ZNF395: variants seen among roughly 807,000 people sequenced by gnomAD.
The protein encoded by ZNF395 is zinc finger protein 395.
ZNF395 carries 20 observed loss-of-function variants against 57.7 expected under a neutral mutation model. That is an observed-to-expected ratio of 0.35 (90% CI 0.24 to 0.50). The LOEUF (loss-of-function observed/expected upper bound fraction) is 0.50. Among genes scored for constraint, ZNF395 ranks in the 20% least tolerant of loss-of-function variants. The pLI is 0.97. For missense variants in ZNF395, 606 were observed against 671.2 expected, an observed-to-expected ratio of 0.90 and a Z score of 1.07; for synonymous variants, 295 against 275.9, an observed-to-expected ratio of 1.07 and a Z score of -0.69.
intron 1 of ZNF395, among the ~76,000 whole-genome samples, chr8:28,367,500 C>A (rs1443810151): frequency 2.0e-5 from 3 of 152,230 alleles, no homozygotes; most frequent in Non-Finnish European, 4.4e-5. Context: ...GGTCTGACTG[C>A]ACAACAGTCA....
intron 1 of ZNF395, among the ~76,000 whole-genome samples, chr8:28,370,763 C>A (rs886407552): frequency 6.6e-6 from 1 of 152,134 alleles, no homozygotes; most frequent in African/African-American, 2.4e-5. Context: ...GACACACACA[C>A]CCCCGCCACC....
intron 1 of ZNF395, among the ~76,000 whole-genome samples, chr8:28,369,029 T>C (rs1175311911): frequency 1.3e-5 from 2 of 151,786 alleles, no homozygotes; most frequent in Admixed American, 6.6e-5. Flanking sequence ...AGAGATGGGG[T>C]TTCACCAAGT....
Position 28,352,525 on chromosome 8 carries a change from G to A in ZNF395, c.920+48C>T. The A allele has an allele frequency of 6.5e-7, 1 of 1,540,888 alleles. No homozygotes were observed. ...GTCACAGGGACTCGGCAGGGTGGAG[G>A]GACACCCACACGCGACCCTAGGCTA... is the stretch of plus-strand genomic sequence containing the variant. On this transcript the variant is annotated intron_variant, in intron 6 of 9. Transcript: ENST00000344423. This position sits in a 1 kb window ranked among gnomAD's most constrained non-coding sequence, Gnocchi z 4.0.
In ZNF395 at chr8:28,347,115, G is replaced by C. The variant is rs932094172; in HGVS notation, c.*1604C>G. 1.3e-5 allele frequency: 2 copies of C among 152,140 alleles called. No individual in the cohort carries two copies. Among genetic ancestry groups the C allele is most frequent in the African/African-American group, 4.8e-5 (2 of 41,408 alleles). 9.4% of individuals were successfully genotyped at this position (152,140 alleles called of 1,614,324 possible). A position where few individuals can be genotyped will look rare whatever the true frequency, so the allele number is the denominator to read the frequency against. Reference sequence around the variant, plus strand: ...CACTCAAAGTGTCCTGCATTAAAAAGCACGTGTCTATTTCCTACGTGAAGG... The same window carrying C: ...CACTCAAAGTGTCCTGCATTAAAAACCACGTGTCTATTTCCTACGTGAAGG... On this transcript the variant is annotated 3_prime_UTR_variant, in exon 10 of 10. Coordinates refer to ENST00000344423, the MANE Select transcript of ZNF395 (RefSeq NM_018660.3).
intron 1 of ZNF395, among the ~76,000 whole-genome samples, chr8:28,366,783 T>C (rs1158536136): frequency 6.6e-6 from 1 of 150,976 alleles, no homozygotes; most frequent in Admixed American, 6.6e-5. Context: ...CAAGCCTTTT[T>C]TTTCCTGGTA....
In ZNF395 at chr8:28,351,643, A is replaced by G; in HGVS notation, c.1085T>C (p.Leu362Pro). The G allele has an allele frequency of 6.2e-7, 1 of 1,613,468 alleles. No homozygotes were observed. The highest frequency in any genetic ancestry group is 8.5e-7 in the Non-Finnish European group (1 of 1,179,970). Residue 362 changes from leucine to proline, a missense_variant, in exon 7 of 10, where the codon CTG becomes CCG. By Grantham distance (98) the Leu-to-Pro change is moderately conservative. Coordinates refer to ENST00000344423, the MANE Select transcript of ZNF395 (RefSeq NM_018660.3). Reference sequence around the variant, plus strand: ...AGGTGGTGGAAGAGCAGACAGAGGCAGGCCAGTCATGCTGGGGGTGGGAGC... The same window carrying G: ...AGGTGGTGGAAGAGCAGACAGAGGCGGGCCAGTCATGCTGGGGGTGGGAGC... ...EPAPTPSMTGLPLSALPPPLH... is the reference protein window; with the variant it reads ...EPAPTPSMTGPPLSALPPPLH...
intron 1 of ZNF395, among the ~76,000 whole-genome samples, chr8:28,382,378 C>T (rs1802119960): frequency 6.6e-6 from 1 of 152,138 alleles, no homozygotes; most frequent in African/African-American, 2.4e-5. Flanking sequence ...TGACCCCAGC[C>T]CACTTTAACA....
chr8:28,349,259 G>C lies in ZNF395; in HGVS notation c.1327-31C>G, dbSNP rs762129678. 7 of 1,491,570 alleles carry C rather than the reference G, an allele frequency of 4.7e-6. No homozygotes were observed. In the African/African-American group the frequency reaches 9.9e-5, roughly 21 times the overall value. The allele number at this position is 1,491,570 out of a possible 1,614,324, so 92.4% of individuals were successfully genotyped here. On this transcript the variant is annotated intron_variant, in intron 8 of 9. Coordinates refer to ENST00000344423, the MANE Select transcript of ZNF395 (RefSeq NM_018660.3). Reference sequence around the variant, plus strand: ...CGTGGGGAGAGGGGCTGTGAGCACAGGGACATTCAGGAAAGGTGAGGGAGC... The same window carrying C: ...CGTGGGGAGAGGGGCTGTGAGCACACGGACATTCAGGAAAGGTGAGGGAGC...
At chr8:28,376,659 C>CA (rs1425823420) in intron 1 of ZNF395, among the ~76,000 whole-genome samples, 2 of 152,196 alleles carry the variant, frequency 1.3e-5, no homozygotes, top group African/African-American at 4.8e-5. Context: ...AACTTTCCCC[C>CA]AAACCCACTA....
chr8:28,356,148 T>C lies in ZNF395; in HGVS notation c.583+522A>G, dbSNP rs998638490. Among the ~76,000 whole-genome samples, 4 of 152,246 alleles carry C rather than the reference T, an allele frequency of 2.6e-5. No homozygotes were observed. Among genetic ancestry groups the C allele is most frequent in the African/African-American group, 9.6e-5 (4 of 41,468 alleles). ...TATAGCAATTTTGTTTTAATAAATT[T>C]GCCTTGAAGTTGAATCACTGGTTTT... On this transcript the variant is annotated intron_variant, in intron 4 of 9. Coordinates refer to ENST00000344423, the MANE Select transcript of ZNF395 (RefSeq NM_018660.3). This position sits in a 1 kb window ranked among gnomAD's most constrained non-coding sequence, Gnocchi z 4.0.
At chr8:28,366,457 A>G (rs563989032) in intron 1 of ZNF395, among the ~76,000 whole-genome samples, 43 of 152,294 alleles carry the variant, frequency 2.8e-4, no homozygotes, top group Non-Finnish European at 4.6e-4. Context: ...CTATAGTTCC[A>G]CTACTCAGGA....
intron 1 of ZNF395, among the ~76,000 whole-genome samples, chr8:28,385,552 G>C (rs1563345125): frequency 6.6e-6 from 1 of 150,616 alleles, no homozygotes; most frequent in Non-Finnish European, 1.5e-5. Flanking sequence ...CGGGCGGAGG[G>C]TGTGTCCCTC....
Position 28,351,534 on chromosome 8 carries a change from A to G in ZNF395, c.1194T>C (p.Pro398=). 6.2e-7 allele frequency: 1 copy of G among 1,612,854 alleles called. No homozygotes were observed. ...LPSGALSKSA[P]GSFWHIQADH... ...CTGCCTGAATGTGCCAGAAGGACCCAGGAGCTGACTTGCTGAGAGCCCCTG... is the reference window on the plus strand; with the variant it reads ...CTGCCTGAATGTGCCAGAAGGACCCGGGAGCTGACTTGCTGAGAGCCCCTG... Residue 398 remains proline (P), a synonymous_variant, in exon 7 of 10, where the codon CCT becomes CCC. Transcript: ENST00000344423.
At position 28,359,127 on chromosome 8, in the gene ZNF395, T is replaced by C. The variant is rs545759726; in HGVS notation, c.473+465A>G. On this transcript the variant is annotated intron_variant, in intron 3 of 9. Coordinates refer to ENST00000344423, the MANE Select transcript of ZNF395 (RefSeq NM_018660.3). This position sits in a 1 kb window ranked among gnomAD's most constrained non-coding sequence, Gnocchi z 4.7. ...AAAGACGCCACTCGGCCAGGCATGG[T>C]GGCTCAAACCTGTAATCCCAGCACG... 6.6e-5 allele frequency among the ~76,000 whole-genome samples: 10 copies of C among 152,322 alleles called. No homozygotes were observed. The highest frequency in any genetic ancestry group is 2.4e-4 in the African/African-American group (10 of 41,564).
At position 28,346,236 on chromosome 8, in the gene ZNF395, C is replaced by G. The variant is rs1261784770; in HGVS notation, c.*2483G>C. On this transcript the variant is annotated 3_prime_UTR_variant, in exon 10 of 10. Coordinates refer to ENST00000344423, the MANE Select transcript of ZNF395 (RefSeq NM_018660.3). ...GTTTCTAAAAGCCCACCTACGGCAC[C>G]TTCCTTCCATCAGAGTCTGCTGCCC... is the stretch of plus-strand genomic sequence containing the variant. 6.6e-6 allele frequency: 1 copy of G among 152,196 alleles called. No individual in the cohort carries two copies. The highest frequency in any genetic ancestry group is 1.5e-5 in the Non-Finnish European group (1 of 68,038). The allele number at this position is 152,196 out of a possible 1,614,324, so 9.4% of individuals were successfully genotyped here.
rs774922454 is a variant in ZNF395, at chr8:28,361,109, A to G, written c.16T>C (p.Ser6Pro). 6.2e-7 allele frequency: 1 copy of G among 1,612,428 alleles called. No individual in the cohort carries two copies. Among genetic ancestry groups the G allele is most frequent in the South Asian group, 1.1e-5 (1 of 91,082 alleles). Reference protein sequence around the residue: MASVLSRRLGKRSLLG... With the variant: MASVLPRRLGKRSLLG... The stretch of plus-strand genomic sequence containing the variant: ...AGGGACCGCTTTCCAAGGCGTCGGG[A>G]CAGGACACTCGCCATGCTGCTGCCT... Residue 6 changes from serine to proline, a missense_variant, in exon 2 of 10, where the codon TCC (serine) becomes CCC (proline). Coordinates refer to ENST00000344423, the MANE Select transcript of ZNF395 (RefSeq NM_018660.3).
chr8:28,370,975 C>A lies in ZNF395; in HGVS notation c.-58-9793G>T, dbSNP rs1262698807. On this transcript the variant is annotated intron_variant, in intron 1 of 9. Transcript: ENST00000344423. ...TCTAACAGCTATCATTTATCAAAGA[C>A]TTAAGTGCCAGTCAACTTGCTGAGC... Among the ~76,000 whole-genome samples the A allele has an allele frequency of 2.0e-5, 3 of 152,208 alleles. No homozygotes were observed. The East Asian group carries it at 5.8e-4, about 29-fold the overall frequency.
rs746269945 is a variant in ZNF395, at chr8:28,351,721, G to C, written c.1007C>G (p.Ala336Gly). Residue 336 changes from alanine (A) to glycine (G), a missense_variant, in exon 7 of 10, where the codon GCT becomes GGT. Around this residue, in one of 3 missense-constraint regions of ZNF395, gnomAD observed 261 missense variants for 240.3 expected, o/e 1.09. Coordinates refer to ENST00000344423, the MANE Select transcript of ZNF395 (RefSeq NM_018660.3). Reference sequence around the variant, plus strand: ...TGGGGTGCCTGCGGCAGCAGCAGCAGCAGCAGCAGCAGATTCCTCCTTCAG... The same window carrying C: ...TGGGGTGCCTGCGGCAGCAGCAGCACCAGCAGCAGCAGATTCCTCCTTCAG... ...VQLKEESAAA[A>G]AAAAAGTPVP... The C allele has an allele frequency of 2.5e-6, 4 of 1,607,760 alleles. No homozygotes were observed. The highest frequency in any genetic ancestry group is 3.4e-6 in the Non-Finnish European group (4 of 1,179,758).
intron 1 of ZNF395, chr8:28,375,438 T>C (rs565058277): frequency 6.6e-6 from 1 of 151,344 alleles, no homozygotes; most frequent in East Asian, 1.9e-4. Flanking sequence ...TAGAACCTAC[T>C]GAGCAAAACT....
Sources: allele counts gnomAD v4.1 joint callset (sites outside exome capture counted in the v4.1 genomes callset), GRCh38; gene constraint gnomAD v4.1.1; regional missense constraint gnomAD v4.1.1; non-coding constraint Gnocchi (gnomAD v3.1); transcripts MANE v1.5; gene names NCBI Gene and HGNC (gene_info 2026-07-23, HGNC 2026-07-21).